Variants in TM9SF4 observed in about 807,000 individuals in gnomAD.
TM9SF4 encodes the protein transmembrane 9 superfamily member 4.
In TM9SF4, 26 loss-of-function variants were observed where a neutral mutation model predicts 90.4. The ratio of observed to expected loss-of-function variants is 0.29; its 90% CI spans 0.21 to 0.40. The LOEUF is 0.40. TM9SF4 is among the 10% of genes least tolerant of loss of function. TM9SF4 has a pLI of 1.00. For synonymous variants in TM9SF4, 293 were observed against 315.4 expected, an observed-to-expected ratio of 0.93 and a Z score of 0.75; for missense variants, 549 against 834.8, an observed-to-expected ratio of 0.66 and a Z score of 4.22.
intron 6 of TM9SF4, among the ~76,000 whole-genome samples, chr20:32,143,872 C>T (rs1000945319): frequency 6.6e-6 from 1 of 152,110 alleles, no homozygotes; most frequent in African/African-American, 2.4e-5. Context: ...GCATGTGTGA[C>T]GCTTTTGAGG....
At chr20:32,112,386 C>T (rs186389769) in intron 1 of TM9SF4, among the ~76,000 whole-genome samples, 3 of 152,232 alleles carry the variant, frequency 2.0e-5, no homozygotes, top group East Asian at 1.9e-4. Context: ...GGCAACAGAG[C>T]GAGACCCTGT....
At chr20:32,125,441 T>G (rs1002710340) in intron 1 of TM9SF4, among the ~76,000 whole-genome samples, 2 of 152,222 alleles carry the variant, frequency 1.3e-5, no homozygotes, top group African/African-American at 4.8e-5. Flanking sequence ...AAGCCTGTGC[T>G]TTTTCCAGTA....
At chr20:32,143,727 AC>A (rs745785157) in intron 6 of TM9SF4, among the ~76,000 whole-genome samples, 6 of 148,648 alleles carry the variant, frequency 4.0e-5, no homozygotes, top group Non-Finnish European at 8.9e-5. Flanking sequence ...TGGTATTTGG[AC>A]TTTTTTTTTT....
At chr20:32,123,034 C>A (rs1172233449) in intron 1 of TM9SF4, among the ~76,000 whole-genome samples, 1 of 150,668 alleles carries the variant, frequency 6.6e-6, no homozygotes, top group Non-Finnish European at 1.5e-5. Flanking sequence ...TCAGGCGTGG[C>A]GGCGTGCGCC....
intron 13 of TM9SF4, 116 bp from the exon 14 acceptor site, chr20:32,157,678 T>A (rs2046948397): frequency 1.5e-6 from 2 of 1,347,868 alleles, no homozygotes; most frequent in South Asian, 2.7e-5. Flanking sequence ...GGGAGTGTGC[T>A]TCTGCTGCAC....
At chr20:32,112,129 G>C (rs1359655926) in intron 1 of TM9SF4, among the ~76,000 whole-genome samples, 1 of 152,112 alleles carries the variant, frequency 6.6e-6, no homozygotes, top group Non-Finnish European at 1.5e-5. Flanking sequence ...AGTGATTTTT[G>C]CCCAGCACAG....
intron 17 of TM9SF4, among the ~76,000 whole-genome samples, chr20:32,164,177 C>G (rs574101772): frequency 1.3e-5 from 2 of 152,124 alleles, no homozygotes; most frequent in Non-Finnish European, 2.9e-5. Context: ...CGGTTCTGCT[C>G]CTTGTCCCTC....
At chr20:32,127,531 C>G (rs562275555) in intron 1 of TM9SF4, among the ~76,000 whole-genome samples, 1 of 152,258 alleles carries the variant, frequency 6.6e-6, no homozygotes, top group South Asian at 2.1e-4. Flanking sequence ...AAGAAGGAAC[C>G]CGGTCTGTCA....
At chr20:32,139,888 ATC>A (rs753626805) in intron 3 of TM9SF4, among the ~76,000 whole-genome samples, 1 of 152,166 alleles carries the variant, frequency 6.6e-6, no homozygotes, top group Non-Finnish European at 1.5e-5. Context: ...CTCAGTTAAC[ATC>A]TCTCTTCCTT....
chr20:32,110,036 C>T (rs1303921397), intron 1 of TM9SF4: 5 of 1,377,084 alleles, frequency 3.6e-6, no homozygotes, highest in East Asian at 2.8e-5. Context: ...GGTCTCCGCC[C>T]ACTGTGAGCC....
intron 9 of TM9SF4, among the ~76,000 whole-genome samples, chr20:32,148,059 C>T (rs1039303325): frequency 4.6e-5 from 7 of 151,486 alleles, no homozygotes; most frequent in South Asian, 4.2e-4. Context: ...TGCAGTGAGC[C>T]GAGATCACAC....
chr20:32,152,964 G>T (rs2046865006), intron 12 of TM9SF4, among the ~76,000 whole-genome samples: 1 of 152,222 alleles, frequency 6.6e-6, no homozygotes, highest in Admixed American at 6.5e-5. Flanking sequence ...CAGGAAGGCA[G>T]ATGAGGAATT....
chr20:32,157,695 CCT>C lies in TM9SF4; in HGVS notation c.1330-95_1330-94del. On this transcript the variant is annotated intron_variant, in intron 13 of 17. Transcript: ENST00000398022. ...GAGTGTGCTTCTGCTGCACAAGTCG[CCT>C]CTCCTTCTGTGGAGCCCAGAAGGTC... is the stretch of plus-strand genomic sequence containing the variant. The C allele has an allele frequency of 3.4e-6, 5 of 1,469,658 alleles. No individual in the cohort carries two copies. In the South Asian group the frequency reaches 6.5e-5, roughly 19 times the overall value. 91.0% of individuals were successfully genotyped at this position (1,469,658 alleles called of 1,614,324 possible). A position where few individuals can be genotyped will look rare whatever the true frequency, so the allele number is the denominator to read the frequency against.
intron 1 of TM9SF4, among the ~76,000 whole-genome samples, chr20:32,116,877 T>C (rs2046233539): frequency 7.1e-6 from 1 of 140,904 alleles, no homozygotes; most frequent in African/African-American, 2.6e-5. Context: ...TTTTTTTTTT[T>C]TTTTTTTTTT....
Position 32,161,270 on chromosome 20 carries a change from C to A in TM9SF4, c.1690-6C>A. ...CAACACTGACCTTCCTCTGTTTCCT[C>A]CTCAGGATTACCGCTGGTGGTGGAG... is the stretch of plus-strand genomic sequence containing the variant. On this transcript the variant is annotated splice_polypyrimidine_tract_variant and splice_region_variant and intron_variant, in intron 16 of 17. Coordinates refer to ENST00000398022, the MANE Select transcript of TM9SF4 (RefSeq NM_014742.4). The A allele has an allele frequency of 6.2e-7, 1 of 1,613,500 alleles. No individual in the cohort carries two copies. Among genetic ancestry groups the A allele is most frequent in the South Asian group, 1.1e-5 (1 of 91,050 alleles).
intron 12 of TM9SF4, among the ~76,000 whole-genome samples, chr20:32,152,670 C>T (rs959096297): frequency 1.3e-5 from 2 of 152,190 alleles, no homozygotes; most frequent in Non-Finnish European, 1.5e-5. Flanking sequence ...GTGTACTCTC[C>T]TACGGCCTTG....
chr20:32,113,504 G>A (rs537125409), intron 1 of TM9SF4, among the ~76,000 whole-genome samples: 5 of 152,196 alleles, frequency 3.3e-5, no homozygotes, highest in East Asian at 1.9e-4. Flanking sequence ...TATGGAAAAC[G>A]GTTCTTGGGA....
chr20:32,159,550 G>A (rs73906761), intron 15 of TM9SF4: 2,241 of 161,296 alleles, frequency 0.014, 48 homozygotes, highest in African/African-American at 0.049. Context: ...AGCCCCCTCT[G>A]TTTCATCTGT....
At position 32,142,983 on chromosome 20, in the gene TM9SF4, T is replaced by TA. The variant is rs1233215041; in HGVS notation, c.530_531insA (p.Tyr178LeufsTer46). 6.2e-7 allele frequency: 1 copy of TA among 1,613,224 alleles called. No homozygotes were observed. The highest frequency in any genetic ancestry group is 8.5e-7 in the Non-Finnish European group (1 of 1,179,454). On this transcript the variant is annotated frameshift_variant and splice_region_variant, in exon 6 of 18. Coordinates refer to ENST00000398022, the MANE Select transcript of TM9SF4 (RefSeq NM_014742.4). LOFTEE classifies it high-confidence loss of function. ...GCTTTCTCTGTTGCTGTGTTTCAGA[T>TA]CTACCTGCACAACCACCTCTCATTC...
Sources: gnomAD v4.1 joint callset for allele counts (sites outside exome capture counted in the v4.1 genomes callset) on GRCh38, gnomAD v4.1.1 for gene constraint, MANE v1.5 for transcripts, NCBI Gene and HGNC (gene_info 2026-07-23, HGNC 2026-07-21) for gene names.